UBA2: variants seen among roughly 807,000 people sequenced by gnomAD.
UBA2 encodes the protein ubiquitin like modifier activating enzyme 2.
UBA2 carries 11 observed loss-of-function variants against 77.2 expected under a neutral mutation model. That is an observed-to-expected ratio of 0.14 (90% CI 0.09 to 0.24). The LOEUF (loss-of-function observed/expected upper bound fraction) is 0.24, where lower values mean the gene tolerates loss of function less well. Ranked by LOEUF, UBA2 falls within the 10% of genes least tolerant of loss-of-function variation. The pLI is 1.00. For synonymous variants in UBA2, 278 were observed against 276.7 expected, an observed-to-expected ratio of 1.00 and a Z score of -0.05; for missense variants, 487 against 781.7, an observed-to-expected ratio of 0.62 and a Z score of 4.50.
At position 34,450,392 on chromosome 19, in the gene UBA2, A is replaced by G. The variant is rs368571970; in HGVS notation, c.871+28A>G. Reference sequence around the variant, plus strand: ...AAAGAATACATTTTAGTCTTGGAACACCTAAGCTGGAAATATCCTCGCGTA... The same window carrying G: ...AAAGAATACATTTTAGTCTTGGAACGCCTAAGCTGGAAATATCCTCGCGTA... On this transcript the variant is annotated intron_variant, in intron 9 of 16. Coordinates refer to ENST00000246548, the MANE Select transcript of UBA2 (RefSeq NM_005499.3). 1.1e-4 allele frequency: 164 copies of G among 1,496,024 alleles called. 1 individual carries two copies. The highest frequency in any genetic ancestry group is 1.7e-5 in the Non-Finnish European group (19 of 1,095,624). 92.7% of individuals were successfully genotyped at this position (1,496,024 alleles called of 1,614,324 possible).
chr19:34,464,579 A>G (rs982524722), intron 15 of UBA2, among the ~76,000 whole-genome samples: 1 of 151,834 alleles, frequency 6.6e-6, no homozygotes, highest in East Asian at 1.9e-4. Context: ...AAAGAAAACC[A>G]GAAATAAAAG....
chr19:34,464,355 C>T (rs1406757265), intron 15 of UBA2, among the ~76,000 whole-genome samples: 3 of 151,788 alleles, frequency 2.0e-5, no homozygotes, highest in Admixed American at 6.6e-5. Flanking sequence ...GTCAGGAGTT[C>T]GAGACCAACC....
chr19:34,439,395 T>C (rs750303288), intron 6 of UBA2, among the ~76,000 whole-genome samples: 7 of 152,122 alleles, frequency 4.6e-5, no homozygotes, highest in Non-Finnish European at 1.0e-4. Flanking sequence ...ATGATGAAAA[T>C]GCTATACCAG....
chr19:34,436,722 CTA>C (rs1251333674), intron 5 of UBA2, among the ~76,000 whole-genome samples: 1 of 118,202 alleles, frequency 8.5e-6, no homozygotes, highest in African/African-American at 2.5e-5. Flanking sequence ...TGTTTTGAAA[CTA>C]TAGAAAGAGA....
chr19:34,447,371 C>T (rs997449664), intron 8 of UBA2, among the ~76,000 whole-genome samples: 1 of 152,170 alleles, frequency 6.6e-6, no homozygotes, highest in Non-Finnish European at 1.5e-5. Flanking sequence ...TACTTTGCAT[C>T]TTTCAATCCA....
chr19:34,458,760 C>G lies in UBA2; in HGVS notation c.1246-9C>G. 1 of 1,606,010 alleles carries G rather than the reference C, an allele frequency of 6.2e-7. No homozygotes were observed. The stretch of plus-strand genomic sequence containing the variant: ...TTTCCGATTTCTGCCTGTTATTTCT[C>G]CTCCAAAGATTTTTTTGAATAAACA... On this transcript the variant is annotated splice_polypyrimidine_tract_variant and intron_variant, in intron 12 of 16. Transcript: ENST00000246548.
intron 16 of UBA2, among the ~76,000 whole-genome samples, chr19:34,467,457 C>T (rs937005226): frequency 6.8e-5 from 10 of 146,506 alleles, no homozygotes; most frequent in Admixed American, 5.4e-4. Flanking sequence ...AACAGCAAGA[C>T]CATGTCTCAA....
chr19:34,458,672 A>AT (rs1599928061), intron 12 of UBA2, 97 bp from the exon 13 acceptor site: 7 of 1,109,184 alleles, frequency 6.3e-6, no homozygotes, highest in East Asian at 5.7e-5. Context: ...TTTTTAAGTC[A>AT]TTTTTTATTG....
In UBA2 at chr19:34,464,074, G is replaced by A. The variant is rs373551149; in HGVS notation, c.1547G>A (p.Arg516Gln). The A allele has an allele frequency of 1.4e-5, 23 of 1,613,940 alleles. No individual in the cohort carries two copies. Among genetic ancestry groups the A allele is most frequent in the African/African-American group, 9.3e-5 (7 of 75,002 alleles). Residue 516 changes from arginine (R) to glutamine (Q), a missense_variant, in exon 15 of 17, where the codon CGG becomes CAG. Coordinates refer to ENST00000246548, the MANE Select transcript of UBA2 (RefSeq NM_005499.3). ...LSEFGIRNGS[R>Q]LQADDFLQDY... Reference sequence around the variant, plus strand: ...GAATTTGGAATTAGAAATGGCAGCCGGCTTCAAGCAGATGACTTCCTCCAG... The same window carrying A: ...GAATTTGGAATTAGAAATGGCAGCCAGCTTCAAGCAGATGACTTCCTCCAG...
At chr19:34,466,733 T>C in intron 15 of UBA2, 145 bp from the exon 16 acceptor site, 1 of 609,892 alleles carries the variant, frequency 1.6e-6, no homozygotes, top group Non-Finnish European at 2.6e-6. Flanking sequence ...ATCTCTCATT[T>C]TTTTTTAAAT....
At chr19:34,465,148 A>T (rs904998952) in intron 15 of UBA2, among the ~76,000 whole-genome samples, 1 of 152,184 alleles carries the variant, frequency 6.6e-6, no homozygotes, top group Non-Finnish European at 1.5e-5. Context: ...ATTTTTGTTC[A>T]TGCTCATTGA....
rs1184297228 is a variant in UBA2 at position 34,431,244 on chromosome 19, C to CTTTTTTTTTTTTTTTTTTT, written c.222+591_223-593dup. On this transcript the variant is annotated intron_variant, in intron 2 of 16. Coordinates refer to ENST00000246548, the MANE Select transcript of UBA2 (RefSeq NM_005499.3). The stretch of plus-strand genomic sequence containing the variant: ...TTTACTTTTCCTATCATTTTCTTTT[C>CTTTTTTTTTTTTTTTTTTT]TTTTTTTTTTTTTTTTTTTTTTTTA... Among the ~76,000 whole-genome samples the CTTTTTTTTTTTTTTTTTTT allele has an allele frequency of 3.5e-4, 24 of 69,386 alleles. 1 individual carries two copies. The highest frequency in any genetic ancestry group is 6.6e-4 in the South Asian group (1 of 1,516). 45.5% of individuals were successfully genotyped at this position (69,386 alleles called of 152,430 possible).
At chr19:34,456,044 T>C (rs1251852211) in intron 12 of UBA2, among the ~76,000 whole-genome samples, 1 of 150,734 alleles carries the variant, frequency 6.6e-6, no homozygotes, top group Admixed American at 6.6e-5. Context: ...CCCAAAGTGC[T>C]GGGATTACAG....
chr19:34,451,609 G>A (rs1336990120), intron 9 of UBA2, among the ~76,000 whole-genome samples: 1 of 138,492 alleles, frequency 7.2e-6, no homozygotes, highest in African/African-American at 2.7e-5. Flanking sequence ...GTGCAGTGGC[G>A]CGATCTTGGC....
chr19:34,452,339 TA>T (rs2075510278), intron 10 of UBA2, among the ~76,000 whole-genome samples, 192 bp downstream of exon 10: 1 of 152,256 alleles, frequency 6.6e-6, no homozygotes, highest in Non-Finnish European at 1.5e-5. Flanking sequence ...AGCAATATCA[TA>T]AAACTTCATT....
intron 15 of UBA2, among the ~76,000 whole-genome samples, chr19:34,465,735 T>C (rs1366917154): frequency 1.3e-5 from 2 of 152,100 alleles, no homozygotes; most frequent in African/African-American, 4.8e-5. Flanking sequence ...CCTGCTTCAG[T>C]TGGACACTAG....
At chr19:34,453,637 C>T (rs2075526504) in intron 10 of UBA2, among the ~76,000 whole-genome samples, 1 of 151,670 alleles carries the variant, frequency 6.6e-6, no homozygotes, top group South Asian at 2.1e-4. Flanking sequence ...GATCCCGCCA[C>T]CTCAGGCTCC....
At chr19:34,457,179 A>AAAAATATATATATATAT (rs1262007864) in intron 12 of UBA2, among the ~76,000 whole-genome samples, 1 of 53,224 alleles carries the variant, frequency 1.9e-5, no homozygotes, top group African/African-American at 1.2e-4. Flanking sequence ...AAAAAAAAAA[A>AAAAATATATATATATAT]ATATATATAT....
rs12975804 is a variant in UBA2 at position 34,428,586 on chromosome 19, G to C, written c.138+16G>C. 7.7e-7 allele frequency: 1 copy of C among 1,306,388 alleles called. No homozygotes were observed. The highest frequency in any genetic ancestry group is 9.8e-7 in the Non-Finnish European group (1 of 1,019,134). 80.9% of individuals were successfully genotyped at this position (1,306,388 alleles called of 1,614,324 possible). A position where few individuals can be genotyped will look rare whatever the true frequency, so the allele number is the denominator to read the frequency against. On this transcript the variant is annotated intron_variant, in intron 1 of 16. Transcript: ENST00000246548. ...CATCGACCTGGTGAGGGCCGGGCGC[G>C]CGCGCGTGAATGGCGGGCTGTGGTG...
Sources: allele counts gnomAD v4.1 joint callset (sites outside exome capture counted in the v4.1 genomes callset), GRCh38; gene constraint gnomAD v4.1.1; transcripts MANE v1.5; gene names NCBI Gene and HGNC (gene_info 2026-07-23, HGNC 2026-07-21).